TBC1D19: variants seen among roughly 807,000 people sequenced by gnomAD.
TBC1D19 encodes the protein TBC1 domain family, member 19.
In TBC1D19, 60 loss-of-function variants were observed where a neutral mutation model predicts 89.0. The observed-to-expected ratio is 0.67, with a 90% CI of 0.55 to 0.84. The LOEUF is 0.84. TBC1D19 is among the 40% of genes least tolerant of loss of function. The pLI, the probability that TBC1D19 is intolerant of heterozygous loss-of-function variation, is 0.00. For missense variants in TBC1D19, 500 were observed against 610.8 expected, an observed-to-expected ratio of 0.82 and a Z score of 1.91; for synonymous variants, 189 against 199.7, an observed-to-expected ratio of 0.95 and a Z score of 0.45.
At chr4:26,818,857 AGT>A in the TBC1D19 span, among the ~76,000 whole-genome samples, 1 of 152,196 alleles carries the variant, frequency 6.6e-6, no homozygotes, top group Admixed American at 6.5e-5. Flanking sequence ...TAAATACTTC[AGT>A]GTGTGTGTAC....
At chr4:26,849,895 C>A in the TBC1D19 span, among the ~76,000 whole-genome samples, 1 of 152,270 alleles carries the variant, frequency 6.6e-6, no homozygotes, top group African/African-American at 2.4e-5. Context: ...TTTTTTATAG[C>A]CAACTTACGT....
At chr4:26,776,287 AT>A in the TBC1D19 span, among the ~76,000 whole-genome samples, 1,948 of 152,116 alleles carry the variant, frequency 0.013, 34 homozygotes, top group African/African-American at 0.044. Context: ...TATATATATA[AT>A]TTTTTTCTGC....
chr4:26,675,085 A>G (rs1176876547), intron 11 of TBC1D19, among the ~76,000 whole-genome samples: 1 of 152,038 alleles, frequency 6.6e-6, no homozygotes, highest in Admixed American at 6.6e-5. Flanking sequence ...TAGAGAAAAT[A>G]GTTTATAAAA....
intron 12 of TBC1D19, among the ~76,000 whole-genome samples, chr4:26,685,208 T>C (rs553486603): frequency 5.3e-5 from 8 of 152,290 alleles, no homozygotes; most frequent in Non-Finnish European, 4.4e-5. Flanking sequence ...GGGGCTACTG[T>C]TAAGGTGTGC....
the TBC1D19 span, among the ~76,000 whole-genome samples, chr4:26,769,915 C>T: frequency 1.3e-5 from 2 of 151,706 alleles, no homozygotes; most frequent in Admixed American, 6.6e-5. Flanking sequence ...AAGTTAAATA[C>T]GTATATTTTT....
intron 7 of TBC1D19, among the ~76,000 whole-genome samples, chr4:26,654,770 C>CGACT (rs1438745827): frequency 6.6e-6 from 1 of 152,120 alleles, no homozygotes; most frequent in Non-Finnish European, 1.5e-5. Context: ...TCTAGTTAGT[C>CGACT]ATTTGTCTAA....
intron 12 of TBC1D19, among the ~76,000 whole-genome samples, chr4:26,685,594 A>G (rs561066791): frequency 3.3e-5 from 5 of 152,254 alleles, no homozygotes; most frequent in Non-Finnish European, 1.5e-5. Flanking sequence ...GCCAAGATTT[A>G]GACCTAGCCA....
At chr4:26,757,654 C>T (rs1027734418), downstream of TBC1D19, among the ~76,000 whole-genome samples, 1 of 152,120 alleles carries the variant, frequency 6.6e-6, no homozygotes, top group African/African-American at 2.4e-5. Flanking sequence ...TTCACAACAC[C>T]CCATACTCAG....
chr4:26,736,409 G>T (rs1347469605), intron 16 of TBC1D19, among the ~76,000 whole-genome samples: 1 of 139,864 alleles, frequency 7.1e-6, no homozygotes, highest in Non-Finnish European at 1.6e-5. Flanking sequence ...TTGGGGGAGG[G>T]GGGAGGGATA....
chr4:26,633,073 G>C (rs1742897892), intron 4 of TBC1D19, among the ~76,000 whole-genome samples: 1 of 152,032 alleles, frequency 6.6e-6, no homozygotes, highest in Non-Finnish European at 1.5e-5. Context: ...TGTAAATCCT[G>C]TGAAGTCTGT....
At chr4:26,708,757 C>T (rs1715930105) in intron 13 of TBC1D19, among the ~76,000 whole-genome samples, 1 of 152,040 alleles carries the variant, frequency 6.6e-6, no homozygotes. Context: ...GCCTTTGAAT[C>T]CCTCTACTGA....
chr4:26,697,763 C>A (rs952116490), intron 13 of TBC1D19, among the ~76,000 whole-genome samples: 21 of 152,166 alleles, frequency 1.4e-4, no homozygotes, highest in Non-Finnish European at 2.2e-4. Context: ...ACAAAAACCA[C>A]ATGATTATCT....
intron 7 of TBC1D19, among the ~76,000 whole-genome samples, chr4:26,654,815 T>TCGAACTTCCTCCTTTA (rs1744675011): frequency 1.3e-5 from 2 of 152,156 alleles, no homozygotes; most frequent in African/African-American, 4.8e-5. Flanking sequence ...TTTGATGGGT[T>TCGAACTTCCTCCTTTA]CGAACTTCCT....
chr4:26,679,928 T>C (rs1395018216), intron 11 of TBC1D19, among the ~76,000 whole-genome samples: 1 of 152,238 alleles, frequency 6.6e-6, no homozygotes, highest in Non-Finnish European at 1.5e-5. Flanking sequence ...CCAAATCTCA[T>C]CTTGAATTAT....
At chr4:26,782,645 T>C in the TBC1D19 span, among the ~76,000 whole-genome samples, 1 of 152,256 alleles carries the variant, frequency 6.6e-6, no homozygotes, top group Non-Finnish European at 1.5e-5. Context: ...CTTTTGACAT[T>C]GGCATCTTGT....
intron 13 of TBC1D19, among the ~76,000 whole-genome samples, chr4:26,699,094 A>G (rs775196756): frequency 5.3e-5 from 8 of 152,236 alleles, no homozygotes; most frequent in Non-Finnish European, 1.2e-4. Context: ...GAATGGGAGA[A>G]AGTTTTTGCA....
chr4:26,610,431 T>C (rs1022734196), intron 1 of TBC1D19, among the ~76,000 whole-genome samples: 1 of 150,834 alleles, frequency 6.6e-6, no homozygotes, highest in Non-Finnish European at 1.5e-5. Context: ...TTTTTTTTTT[T>C]AGCTGTTCTG....
At chr4:26,735,122 G>GTA (rs1199062424) in intron 15 of TBC1D19, among the ~76,000 whole-genome samples, 1 of 146,922 alleles carries the variant, frequency 6.8e-6, no homozygotes, top group Non-Finnish European at 1.5e-5. Context: ...GTATACACAT[G>GTA]TGTGTGTATA....
chr4:26,728,515 T>TA (rs972244176), intron 15 of TBC1D19, among the ~76,000 whole-genome samples: 12 of 151,522 alleles, frequency 7.9e-5, no homozygotes, highest in Admixed American at 5.3e-4. Context: ...AGTAGGAAGG[T>TA]AAAAAAAAGA....
Sources: allele counts gnomAD v4.1 joint callset (sites outside exome capture counted in the v4.1 genomes callset), GRCh38; gene constraint gnomAD v4.1.1; transcripts MANE v1.5; gene names NCBI Gene and HGNC (gene_info 2026-07-23, HGNC 2026-07-21).